Variants in MALRD1 observed in about 807,000 individuals in gnomAD.
The protein encoded by MALRD1 is MAM and LDL-receptor class A domain-containing protein 1.
A neutral mutation model predicts 242.1 loss-of-function variants in MALRD1; 247 were observed. The observed-to-expected ratio is 1.02, with a 90% confidence interval of 0.92 to 1.13. The LOEUF (loss-of-function observed/expected upper bound fraction) is 1.13. MALRD1 is among the 50% of genes most tolerant of loss of function. The probability of loss-of-function intolerance (pLI) is 0.00; values close to 1 mark genes in which losing one functional copy is unlikely to be tolerated. For synonymous variants in MALRD1, 995 were observed against 866.6 expected (o/e 1.15, Z -2.60); for missense variants, 2,989 against 2,533.1 (o/e 1.18, Z -3.86).
chr10:19,544,023 G>GT (rs903749907), intron 32 of MALRD1, among the ~76,000 whole-genome samples: 9 of 151,138 alleles, frequency 6.0e-5, no homozygotes, highest in South Asian at 2.1e-4. Flanking sequence ...GCTGAATTGT[G>GT]TTTTTTTTCA....
chr10:19,591,230 T>C (rs1028877840), intron 33 of MALRD1, among the ~76,000 whole-genome samples: 2 of 152,210 alleles, frequency 1.3e-5, no homozygotes, highest in Non-Finnish European at 2.9e-5. Flanking sequence ...TTCAGAGTAT[T>C]AAAAAGAGAA....
intron 30 of MALRD1, among the ~76,000 whole-genome samples, chr10:19,498,140 T>G (rs1589158945): frequency 6.6e-6 from 1 of 152,344 alleles, no homozygotes; most frequent in African/African-American, 2.4e-5. Context: ...CGGAAGTGAA[T>G]TAAACATCCA....
intron 30 of MALRD1, among the ~76,000 whole-genome samples, chr10:19,492,540 A>G (rs955507672): frequency 2.6e-5 from 4 of 152,146 alleles, no homozygotes; most frequent in Non-Finnish European, 4.4e-5. Flanking sequence ...GTCTTACTAG[A>G]GATGGTGTCT....
At chr10:19,384,746 G>A (rs1846006618) in intron 26 of MALRD1, among the ~76,000 whole-genome samples, 1 of 142,444 alleles carries the variant, frequency 7.0e-6, no homozygotes, top group Admixed American at 7.5e-5. Flanking sequence ...ATATTTGAAT[G>A]CTTCATTTTT....
chr10:19,697,505 C>T (rs943021622), intron 38 of MALRD1, among the ~76,000 whole-genome samples: 1 of 151,810 alleles, frequency 6.6e-6, no homozygotes, highest in African/African-American at 2.4e-5. Context: ...TCTGACCAAA[C>T]AATCGGGCAT....
At chr10:19,237,617 T>A (rs1219275164) in intron 18 of MALRD1, among the ~76,000 whole-genome samples, 15 of 56,784 alleles carry the variant, frequency 2.6e-4, no homozygotes, top group Admixed American at 4.1e-4. Context: ...TATAATTATA[T>A]AATTATATAA....
At chr10:19,435,069 G>A (rs1463888002) in intron 28 of MALRD1, among the ~76,000 whole-genome samples, 1 of 150,642 alleles carries the variant, frequency 6.6e-6, no homozygotes, top group Non-Finnish European at 1.5e-5. Context: ...TTTGTCAGAT[G>A]CAATTTGATA....
Position 19,205,197 on chromosome 10 carries a change from G to T in MALRD1, c.2510G>T (p.Cys837Phe). Residue 837 changes from cysteine to phenylalanine, a missense_variant, in exon 17 of 40, where the codon TGC becomes TTC. Cys to Phe is a radical substitution (Grantham distance 205, BLOSUM62 -2). Coordinates refer to ENST00000454679, the MANE Select transcript of MALRD1 (RefSeq NM_001142308.3). ...TTCTGGTGTCGCCACACCAGGGCTT[G>T]CATAGAAAAGCTTCGGTTATGTGAT... ...DHFWCRHTRACIEKLRLCDLV... is the reference protein window; with the variant it reads ...DHFWCRHTRAFIEKLRLCDLV... 1.9e-6 allele frequency: 3 copies of T among 1,551,040 alleles called. No individual in the cohort carries two copies. The highest frequency in any genetic ancestry group is 2.6e-6 in the Non-Finnish European group (3 of 1,147,074).
intron 31 of MALRD1, among the ~76,000 whole-genome samples, chr10:19,506,132 C>T (rs1172480226): frequency 1.3e-5 from 2 of 152,172 alleles, no homozygotes; most frequent in East Asian, 3.9e-4. Context: ...ATCCAAAGCA[C>T]CTGCTATTCA....
chr10:19,238,468 A>ACATTATATATAATGTATATTATATATT (rs373763200), intron 18 of MALRD1, among the ~76,000 whole-genome samples: 1 of 38,064 alleles, frequency 2.6e-5, no homozygotes, highest in Non-Finnish European at 3.9e-5. Flanking sequence ...TATATAATAT[A>ACATTATATATAATGTATATTATATATT]ATATATAATA....
At position 19,209,278 on chromosome 10, in the gene MALRD1, G is replaced by T; in HGVS notation, c.2589G>T (p.Leu863=). 1 of 1,534,408 alleles carries T rather than the reference G, an allele frequency of 6.5e-7. No homozygotes were observed. The highest frequency in any genetic ancestry group is 8.8e-7 in the Non-Finnish European group (1 of 1,140,568). ...RTDEVNCAPE[L]QCNFETGICN... ...TCATGTGAATTTCAGCACCTGAGCT[G>T]CAGTGTAACTTTGAAACTGGAATCT... The change falls in exon 18 of 40, where the codon CTG becomes CTT. Residue 863 remains leucine, a synonymous_variant. Coordinates refer to ENST00000454679, the MANE Select transcript of MALRD1 (RefSeq NM_001142308.3).
At chr10:19,714,951 A>G (rs1445582988) in intron 38 of MALRD1, among the ~76,000 whole-genome samples, 2 of 152,302 alleles carry the variant, frequency 1.3e-5, no homozygotes, top group East Asian at 3.9e-4. Context: ...TGGGTTTAAA[A>G]TAATTTAAAA....
chr10:19,455,319 T>G (rs772740882), intron 29 of MALRD1, among the ~76,000 whole-genome samples: 1 of 152,196 alleles, frequency 6.6e-6, no homozygotes, highest in Non-Finnish European at 1.5e-5. Context: ...TTCAGAACGT[T>G]ACTTAAAGTA....
chr10:19,295,612 A>G (rs904604524), intron 21 of MALRD1, among the ~76,000 whole-genome samples: 2 of 152,106 alleles, frequency 1.3e-5, no homozygotes, highest in African/African-American at 4.8e-5. Context: ...TAAAAAATTA[A>G]TTGAAGTAAT....
chr10:19,291,946 C>T (rs1402425738), intron 21 of MALRD1, among the ~76,000 whole-genome samples: 3 of 151,576 alleles, frequency 2.0e-5, no homozygotes, highest in African/African-American at 7.3e-5. Context: ...ATTAGTCATA[C>T]GTGGTGGTGC....
At chr10:19,165,361 C>T (rs1178142672) in intron 12 of MALRD1, among the ~76,000 whole-genome samples, 9 of 150,194 alleles carry the variant, frequency 6.0e-5, no homozygotes, top group African/African-American at 1.5e-4. Context: ...AGTGCAATGG[C>T]GTGATCTCAG....
chr10:19,265,513 C>T (rs538325024), intron 19 of MALRD1, among the ~76,000 whole-genome samples: 1 of 151,814 alleles, frequency 6.6e-6, no homozygotes, highest in Admixed American at 6.6e-5. Context: ...GTTTTAATTG[C>T]CATGTTTGTG....
At chr10:19,420,823 C>T (rs1833693797) in intron 28 of MALRD1, among the ~76,000 whole-genome samples, 1 of 152,112 alleles carries the variant, frequency 6.6e-6, no homozygotes, top group African/African-American at 2.4e-5. Context: ...AGGCTCACAG[C>T]CTCCCTCAAA....
chr10:19,292,540 C>A (rs986177643), intron 21 of MALRD1, among the ~76,000 whole-genome samples: 1 of 152,106 alleles, frequency 6.6e-6, no homozygotes, highest in Non-Finnish European at 1.5e-5. Context: ...CATGCACCTG[C>A]TTTCCTATCT....
Sources: allele counts gnomAD v4.1 joint callset (sites outside exome capture counted in the v4.1 genomes callset), GRCh38; gene constraint gnomAD v4.1.1; transcripts MANE v1.5; gene names NCBI Gene and HGNC (gene_info 2026-07-23, HGNC 2026-07-21).